TTC27: variants seen among roughly 807,000 people sequenced by gnomAD.
TTC27 encodes tetratricopeptide repeat domain 27, also known as tetratricopeptide repeat protein 27.
In TTC27, 79 loss-of-function variants were observed where a neutral mutation model predicts 115.9. That is an observed-to-expected ratio of 0.68 (90% CI 0.57 to 0.82). The LOEUF (loss-of-function observed/expected upper bound fraction) is 0.82. TTC27 is among the 40% of genes least tolerant of loss of function. The probability of loss-of-function intolerance (pLI) is 0.00; values close to 1 mark genes in which losing one functional copy is unlikely to be tolerated. For synonymous variants in TTC27, 401 were observed against 356.0 expected (o/e 1.13, Z -1.42); for missense variants, 1,054 against 993.1 (o/e 1.06, Z -0.82).
intron 12 of TTC27, among the ~76,000 whole-genome samples, chr2:32,741,871 C>G (rs1270988687): frequency 6.6e-6 from 1 of 152,130 alleles, no homozygotes; most frequent in African/African-American, 2.4e-5. Context: ...CTGCCTTACT[C>G]TTCTCTCTCC....
At chr2:32,766,878 C>T (rs1383773257) in intron 13 of TTC27, among the ~76,000 whole-genome samples, 6 of 152,202 alleles carry the variant, frequency 3.9e-5, no homozygotes, top group East Asian at 1.9e-4. Context: ...CTTCATCTCC[C>T]GGGTTCAAGC....
At chr2:32,746,512 G>A (rs1668832425) in intron 12 of TTC27, among the ~76,000 whole-genome samples, 1 of 121,182 alleles carries the variant, frequency 8.3e-6, no homozygotes, top group Non-Finnish European at 1.6e-5. Context: ...GCAGTGAGCT[G>A]AGATTGTACC....
At chr2:32,714,244 C>T (rs557628044) in intron 10 of TTC27, among the ~76,000 whole-genome samples, 7 of 151,174 alleles carry the variant, frequency 4.6e-5, no homozygotes, top group Non-Finnish European at 1.0e-4. Context: ...CTGAAAGCTC[C>T]ACCTCCCGGG....
intron 5 of TTC27, among the ~76,000 whole-genome samples, chr2:32,651,207 G>A (rs1665110262): frequency 6.6e-6 from 1 of 152,176 alleles, no homozygotes; most frequent in African/African-American, 2.4e-5. Context: ...GGGACATGAG[G>A]AGTGGTAGTT....
intron 3 of TTC27, among the ~76,000 whole-genome samples, chr2:32,639,784 C>T (rs761426301): frequency 2.0e-5 from 3 of 152,148 alleles, no homozygotes; most frequent in Non-Finnish European, 2.9e-5. Flanking sequence ...CAGGGGATCA[C>T]TTAAGGTCAG....
chr2:32,641,911 A>T (rs921022743), intron 4 of TTC27, among the ~76,000 whole-genome samples: 1 of 152,146 alleles, frequency 6.6e-6, no homozygotes, highest in Non-Finnish European at 1.5e-5. Flanking sequence ...GCTGGAGTGC[A>T]GTGGCGTGAT....
chr2:32,691,597 C>G (rs1213976923), intron 9 of TTC27, among the ~76,000 whole-genome samples: 1 of 152,070 alleles, frequency 6.6e-6, no homozygotes, highest in Non-Finnish European at 1.5e-5. Flanking sequence ...CCGCGCCTGG[C>G]CTGCATCTCT....
chr2:32,636,099 G>A (rs1664413632), intron 3 of TTC27, among the ~76,000 whole-genome samples: 2 of 152,164 alleles, frequency 1.3e-5, no homozygotes, highest in African/African-American at 4.8e-5. Flanking sequence ...TATTATGTAT[G>A]AATCAGTTTC....
intron 1 of TTC27, among the ~76,000 whole-genome samples, chr2:32,630,169 CA>C (rs1222468482): frequency 1.3e-5 from 2 of 152,098 alleles, no homozygotes; most frequent in African/African-American, 4.8e-5. Context: ...TAGAAAGAAC[CA>C]GATTGTGAAA....
intron 9 of TTC27, among the ~76,000 whole-genome samples, chr2:32,683,974 T>C (rs940041036): frequency 5.3e-5 from 8 of 151,960 alleles, no homozygotes; most frequent in African/African-American, 1.5e-4. Context: ...GCCAACATGG[T>C]GAAACCCTGT....
chr2:32,673,310 C>G (rs574474627), intron 8 of TTC27, among the ~76,000 whole-genome samples: 1 of 151,768 alleles, frequency 6.6e-6, no homozygotes, highest in Non-Finnish European at 1.5e-5. Context: ...TTGCAACCTC[C>G]GCCCCACGGG....
intron 19 of TTC27, among the ~76,000 whole-genome samples, chr2:32,819,060 C>G (rs957773293): frequency 6.6e-6 from 1 of 152,150 alleles, no homozygotes; most frequent in Admixed American, 6.5e-5. Context: ...AGCTTTGTTT[C>G]CTACTTTTGA....
chr2:32,699,284 G>A (rs529801314), intron 9 of TTC27, among the ~76,000 whole-genome samples: 1 of 152,310 alleles, frequency 6.6e-6, no homozygotes, highest in East Asian at 1.9e-4. Flanking sequence ...TGGCATTAAG[G>A]CCAAGACCTA....
chr2:32,767,524 C>T (rs1322528948), intron 13 of TTC27, among the ~76,000 whole-genome samples: 1 of 141,162 alleles, frequency 7.1e-6, no homozygotes, highest in African/African-American at 2.6e-5. Flanking sequence ...TGCAGTGGCG[C>T]AATCTCGGCT....
At position 32,680,818 on chromosome 2, in the gene TTC27, A is replaced by G. The variant is rs552352454; in HGVS notation, c.1119+1896A>G. Among the ~76,000 whole-genome samples, 22 of 152,260 alleles carry G rather than the reference A, an allele frequency of 1.4e-4. 1 individual carries two copies. The South Asian group carries it at 4.4e-3, about 30-fold the overall frequency. On this transcript the variant is annotated intron_variant, in intron 9 of 19. Transcript: ENST00000317907. ...CATATATATTACCACAGTTATCCTG[A>G]AGACACTAGCACACTCTTTTTACAT...
chr2:32,731,760 T>C (rs1414858721), intron 10 of TTC27, among the ~76,000 whole-genome samples: 1 of 152,174 alleles, frequency 6.6e-6, no homozygotes, highest in Non-Finnish European at 1.5e-5. Context: ...GTGTTGGTTC[T>C]CTGCACTGTC....
chr2:32,685,705 A>C (rs1018603943), intron 9 of TTC27, among the ~76,000 whole-genome samples: 4 of 152,186 alleles, frequency 2.6e-5, no homozygotes, highest in African/African-American at 9.7e-5. Context: ...CTCTTAGTAA[A>C]CTAGGAATAG....
At chr2:32,730,619 TTA>T (rs1468598286) in intron 10 of TTC27, among the ~76,000 whole-genome samples, 1 of 123,344 alleles carries the variant, frequency 8.1e-6, no homozygotes, top group Non-Finnish European at 1.8e-5. Context: ...CAAGACTTTC[TTA>T]TTTTTTTTTT....
intron 14 of TTC27, among the ~76,000 whole-genome samples, chr2:32,778,717 TCA>T (rs575965957): frequency 3.2e-4 from 49 of 152,368 alleles, no homozygotes; most frequent in Non-Finnish European, 5.9e-4. Flanking sequence ...TGTGGGTATA[TCA>T]CATGTTATTT....
Sources: gnomAD v4.1 joint callset for allele counts (sites outside exome capture counted in the v4.1 genomes callset) on GRCh38, gnomAD v4.1.1 for gene constraint, MANE v1.5 for transcripts, NCBI Gene and HGNC (gene_info 2026-07-23, HGNC 2026-07-21) for gene names.